Variants in HIVEP2 observed in about 807,000 individuals in gnomAD.
HIVEP2 encodes the protein transcription factor HIVEP2.
In HIVEP2, 14 loss-of-function variants were observed where a neutral mutation model predicts 180.7. That is an observed-to-expected ratio of 0.08 (90% CI 0.05 to 0.12). The LOEUF is 0.12. HIVEP2 is among the 10% of genes least tolerant of loss of function. The pLI is 1.00. For missense variants in HIVEP2, 2,579 were observed against 3,008.5 expected (o/e 0.86, Z 3.34); for synonymous variants, 1,184 against 1,136.4 (o/e 1.04, Z -0.84).
At chr6:142,799,603 A>T (rs117971268) in intron 2 of HIVEP2, among the ~76,000 whole-genome samples, 4,481 of 152,288 alleles carry the variant, frequency 0.029, 90 homozygotes, top group Middle Eastern at 0.054. Context: ...CAGCTGCAAC[A>T]TCAACAAATT....
rs1775593270 is a variant in HIVEP2 at position 142,772,989 on chromosome 6, T to C, written c.1750A>G (p.Ile584Val). The part of the protein sequence containing the change: ...DDVFYPGTVG[I>V]PPQRMLRRQA... Reference sequence around the variant, plus strand: ...CTTCTTAGCATGCGCTGAGGGGGTATGCCCACGGTCCCTGGATAGAATACA... The same window carrying C: ...CTTCTTAGCATGCGCTGAGGGGGTACGCCCACGGTCCCTGGATAGAATACA... Residue 584 changes from isoleucine (I) to valine (V), a missense_variant, in exon 5 of 10, where the codon ATA becomes GTA. Around this residue, in one of 11 missense-constraint regions of HIVEP2, gnomAD observed 524 missense variants for 563.6 expected, o/e 0.93. Transcript: ENST00000367603. The surrounding 1 kb of genome is among the most constrained non-coding windows in gnomAD (Gnocchi z 4.9). 1 of 1,614,218 alleles carries C rather than the reference T, an allele frequency of 6.2e-7. No individual in the cohort carries two copies. The highest frequency in any genetic ancestry group is 8.5e-7 in the Non-Finnish European group (1 of 1,180,046).
chr6:142,861,136 T>G (rs1775968690), intron 1 of HIVEP2, among the ~76,000 whole-genome samples: 1 of 152,136 alleles, frequency 6.6e-6, no homozygotes, highest in South Asian at 2.1e-4. Context: ...TCTCAGCATA[T>G]TCAAATGCTG....
chr6:142,794,457 T>C (rs1312918890), intron 2 of HIVEP2, among the ~76,000 whole-genome samples: 2 of 152,200 alleles, frequency 1.3e-5, no homozygotes, highest in Non-Finnish European at 2.9e-5. Flanking sequence ...TGCCTTTTCC[T>C]TAGCCTTCAA....
At chr6:142,937,254 T>C (rs896557124) in intron 1 of HIVEP2, among the ~76,000 whole-genome samples, 1 of 152,210 alleles carries the variant, frequency 6.6e-6, no homozygotes, top group Non-Finnish European at 1.5e-5. Context: ...CTTAAACCAT[T>C]TCAGTCAAGA....
chr6:142,799,934 C>A (rs1351424897), intron 2 of HIVEP2, among the ~76,000 whole-genome samples: 1 of 152,142 alleles, frequency 6.6e-6, no homozygotes, highest in East Asian at 1.9e-4. Context: ...TCACTTAATG[C>A]CAATGACCAA....
intron 2 of HIVEP2, among the ~76,000 whole-genome samples, chr6:142,815,454 T>G (rs971948506): frequency 2.0e-5 from 3 of 152,158 alleles, no homozygotes; most frequent in African/African-American, 7.2e-5. Context: ...ATTTTAAATG[T>G]CTACTGAAAT....
rs567561625 is a variant in HIVEP2, at chr6:142,834,653, A to G, written c.-528+2282T>C. Among the ~76,000 whole-genome samples the G allele has an allele frequency of 2.6e-5, 4 of 152,274 alleles. No homozygotes were observed. In the East Asian group the frequency reaches 7.7e-4, roughly 29 times the overall value. The stretch of plus-strand genomic sequence containing the variant: ...ATGCCAGGACATGCAAAGCAATATT[A>G]TTATAAAAAATAATAATAATTTGTA... On this transcript the variant is annotated intron_variant, in intron 2 of 9. Transcript: ENST00000367603.
rs1459587961 is a variant in HIVEP2, at chr6:142,816,936, TCTCA to T, written c.-528+19995_-528+19998del. Among the ~76,000 whole-genome samples the T allele has an allele frequency of 3.3e-5, 5 of 152,102 alleles. No individual in the cohort carries two copies. The East Asian group carries it at 5.8e-4, about 18-fold the overall frequency. ...TACACACAAACACGCTATCTCTCTCTCTCAAAGTGGGGAGGAGTGGGTGTTGAAG... is the reference window on the plus strand; with the variant it reads ...TACACACAAACACGCTATCTCTCTCTAAGTGGGGAGGAGTGGGTGTTGAAG... On this transcript the variant is annotated intron_variant, in intron 2 of 9. Transcript: ENST00000367603.
chr6:142,804,852 C>T (rs910558689), intron 2 of HIVEP2, among the ~76,000 whole-genome samples: 4 of 151,888 alleles, frequency 2.6e-5, no homozygotes, highest in African/African-American at 9.7e-5. Context: ...TGGAGAAAGG[C>T]TTAAAAAAAA....
chr6:142,890,277 A>G (rs1776825461), intron 1 of HIVEP2, among the ~76,000 whole-genome samples: 1 of 152,226 alleles, frequency 6.6e-6, no homozygotes, highest in African/African-American at 2.4e-5. Context: ...ATCAGATAAC[A>G]GAGTTCCATA....
intron 2 of HIVEP2, among the ~76,000 whole-genome samples, chr6:142,836,679 A>G (rs193157530): frequency 6.6e-6 from 1 of 152,322 alleles, no homozygotes; most frequent in East Asian, 1.9e-4. Flanking sequence ...TCATTAATAC[A>G]TCAAATAAAA....
chr6:142,891,499 C>T (rs1277161621), intron 1 of HIVEP2, among the ~76,000 whole-genome samples: 1 of 151,960 alleles, frequency 6.6e-6, no homozygotes, highest in Non-Finnish European at 1.5e-5. Flanking sequence ...TAGGGTATGC[C>T]AGGTAGGACA....
intron 2 of HIVEP2, among the ~76,000 whole-genome samples, chr6:142,804,342 G>A (rs1562241610): frequency 6.6e-6 from 1 of 152,094 alleles, no homozygotes; most frequent in Non-Finnish European, 1.5e-5. Flanking sequence ...TGGAAGGCAG[G>A]TACAATAATA....
chr6:142,773,264 A>G lies in HIVEP2; in HGVS notation c.1475T>C (p.Met492Thr). Residue 492 changes from methionine (M) to threonine (T), a missense_variant, in exon 5 of 10, where the codon ATG becomes ACG. By Grantham distance (81) the Met-to-Thr change is moderately conservative. Coordinates refer to ENST00000367603, the MANE Select transcript of HIVEP2 (RefSeq NM_006734.4). ...ACTGTTGAACTTAGTGGATTTCAGC[A>G]TGCTCGTTTGACTGGGGTCGACATC... Reference protein sequence around the residue: ...KGDVDPSQTSMLKSTKFNSES... With the variant: ...KGDVDPSQTSTLKSTKFNSES... 1 of 1,614,216 alleles carries G rather than the reference A, an allele frequency of 6.2e-7. No individual in the cohort carries two copies. Among genetic ancestry groups the G allele is most frequent in the Non-Finnish European group, 8.5e-7 (1 of 1,180,044 alleles).
chr6:142,914,961 T>C (rs1417861545), intron 1 of HIVEP2, among the ~76,000 whole-genome samples: 2 of 152,172 alleles, frequency 1.3e-5, no homozygotes, highest in Non-Finnish European at 2.9e-5. Flanking sequence ...TCATCTCCTC[T>C]AAGAACTGTT....
intron 1 of HIVEP2, among the ~76,000 whole-genome samples, chr6:142,853,242 T>C (rs1775735363): frequency 6.6e-6 from 1 of 152,166 alleles, no homozygotes; most frequent in African/African-American, 2.4e-5. Context: ...CCCTAGCTAA[T>C]CCAGCTTGTC....
rs749215495 is a variant in HIVEP2 at position 142,770,677 on chromosome 6, A to C, written c.4062T>G (p.Ser1354=). 1.9e-6 allele frequency: 3 copies of C among 1,614,220 alleles called. No homozygotes were observed. Among genetic ancestry groups the C allele is most frequent in the Non-Finnish European group, 2.5e-6 (3 of 1,180,032 alleles). Residue 1354 remains serine, a synonymous_variant, in exon 5 of 10, where the codon TCT becomes TCG. Coordinates refer to ENST00000367603, the MANE Select transcript of HIVEP2 (RefSeq NM_006734.4). This position sits in a 1 kb window ranked among gnomAD's most constrained non-coding sequence, Gnocchi z 4.7. Reference sequence around the variant, plus strand: ...CAGGGCTATTCTGCCCAAGTATCTGAGAAATGCTTGTGTACATGACACTTC... The same window carrying C: ...CAGGGCTATTCTGCCCAAGTATCTGCGAAATGCTTGTGTACATGACACTTC... ...SYGSVMYTSI[S]QILGQNSPAI...
At position 142,770,156 on chromosome 6, in the gene HIVEP2, G is replaced by T. The variant is rs774694739; in HGVS notation, c.4583C>A (p.Ser1528Tyr). The T allele has an allele frequency of 6.2e-7, 1 of 1,614,240 alleles. No individual in the cohort carries two copies. Among genetic ancestry groups the T allele is most frequent in the Non-Finnish European group, 8.5e-7 (1 of 1,180,036 alleles). The change falls in exon 5 of 10, where the codon TCT (serine) becomes TAT (tyrosine). Residue 1528 changes from serine to tyrosine, a missense_variant. Ser to Tyr is a moderately radical substitution (Grantham distance 144). Coordinates refer to ENST00000367603, the MANE Select transcript of HIVEP2 (RefSeq NM_006734.4). The surrounding 1 kb of genome is among the most constrained non-coding windows in gnomAD (Gnocchi z 4.7). Reference protein sequence around the residue: ...LSPSSSQDYPSVSPSSREPFL... With the variant: ...LSPSSSQDYPYVSPSSREPFL... ...TGGCTCCCTGGAAGACGGGCTAACA[G>T]AAGGATAGTCTTGAGATGAGGAGGG... is the stretch of plus-strand genomic sequence containing the variant.
intron 2 of HIVEP2, among the ~76,000 whole-genome samples, chr6:142,817,731 A>G (rs964225894): frequency 6.6e-6 from 1 of 152,204 alleles, no homozygotes; most frequent in African/African-American, 2.4e-5. Flanking sequence ...CTTAAAGTAG[A>G]TCTTGGCTGG....
Sources: allele counts gnomAD v4.1 joint callset (sites outside exome capture counted in the v4.1 genomes callset), GRCh38; gene constraint gnomAD v4.1.1; regional missense constraint gnomAD v4.1.1; non-coding constraint Gnocchi (gnomAD v3.1); transcripts MANE v1.5; gene names NCBI Gene and HGNC (gene_info 2026-07-23, HGNC 2026-07-21).